The following CTNND2 variants were observed in gnomAD, a reference collection of about 807,000 sequenced individuals.
CTNND2 encodes catenin delta-2.
CTNND2 carries 22 observed loss-of-function variants against 144.4 expected under a neutral mutation model. That is an observed-to-expected ratio of 0.15 (90% confidence interval 0.11 to 0.22). The LOEUF is 0.22. Ranked by LOEUF, CTNND2 falls within the 10% of genes least tolerant of loss-of-function variation. The pLI is 1.00. For missense variants in CTNND2, 1,353 were observed against 1,618.8 expected (o/e 0.84, Z 2.82); for synonymous variants, 751 against 695.6 (o/e 1.08, Z -1.25).
chr5:11,559,222 C>T (rs113621719), intron 3 of CTNND2, among the ~76,000 whole-genome samples: 3 of 151,982 alleles, frequency 2.0e-5, no homozygotes, highest in Non-Finnish European at 4.4e-5. Flanking sequence ...CCCTCCTTTC[C>T]AGTTCTACAT....
chr5:11,398,584 TG>T (rs893212597), intron 5 of CTNND2, among the ~76,000 whole-genome samples: 1 of 151,354 alleles, frequency 6.6e-6, no homozygotes, highest in African/African-American at 2.4e-5. Flanking sequence ...ATGCGGTTTC[TG>T]GAAAAAAAAA....
At chr5:11,746,071 G>A (rs1261726733) in intron 1 of CTNND2, among the ~76,000 whole-genome samples, 2 of 152,140 alleles carry the variant, frequency 1.3e-5, no homozygotes, top group Non-Finnish European at 2.9e-5. Context: ...TTTGCATGAT[G>A]TATGAGGCTG....
At chr5:11,082,657 A>G in intron 16 of CTNND2, 39 bp downstream of exon 16, 1 of 1,603,500 alleles carries the variant, frequency 6.2e-7, no homozygotes, top group Non-Finnish European at 8.5e-7. Context: ...AAATATTTTC[A>G]CTTAACACTT....
chr5:11,023,716 C>T (rs1485612702), intron 16 of CTNND2, among the ~76,000 whole-genome samples: 1 of 152,182 alleles, frequency 6.6e-6, no homozygotes, highest in African/African-American at 2.4e-5. Flanking sequence ...AAATATAATA[C>T]AATCCAATTC....
chr5:11,266,671 C>A (rs1230548147), intron 9 of CTNND2, among the ~76,000 whole-genome samples: 1 of 152,136 alleles, frequency 6.6e-6, no homozygotes, highest in Non-Finnish European at 1.5e-5. Flanking sequence ...TAAGTTAATG[C>A]ACATTTATCT....
chr5:11,898,673 G>A (rs1737603743), intron 1 of CTNND2, among the ~76,000 whole-genome samples: 1 of 151,832 alleles, frequency 6.6e-6, no homozygotes, highest in Admixed American at 6.6e-5. Flanking sequence ...AAATATAATT[G>A]GCTCACCTGC....
intron 7 of CTNND2, among the ~76,000 whole-genome samples, chr5:11,383,493 G>A (rs776002712): frequency 9.9e-5 from 15 of 152,102 alleles, no homozygotes; most frequent in Non-Finnish European, 1.9e-4. Flanking sequence ...TGAGAGAGAG[G>A]CAGTGAGTGA....
At chr5:11,126,702 A>G (rs1754713563) in intron 12 of CTNND2, among the ~76,000 whole-genome samples, 1 of 152,234 alleles carries the variant, frequency 6.6e-6, no homozygotes, top group South Asian at 2.1e-4. Context: ...AGTGACATCT[A>G]GATATACAAC....
At chr5:11,844,033 T>C (rs761922741) in intron 1 of CTNND2, among the ~76,000 whole-genome samples, 1 of 152,188 alleles carries the variant, frequency 6.6e-6, no homozygotes, top group South Asian at 2.1e-4. Context: ...CCAGTTGTCA[T>C]CAAGCTCAAT....
At chr5:11,078,290 T>A (rs763839122) in intron 16 of CTNND2, among the ~76,000 whole-genome samples, 3 of 152,212 alleles carry the variant, frequency 2.0e-5, no homozygotes, top group Admixed American at 1.3e-4. Flanking sequence ...GTATTTAAAG[T>A]AAAATAGTTA....
chr5:11,092,427 T>G (rs997898699), intron 15 of CTNND2, among the ~76,000 whole-genome samples: 9 of 152,214 alleles, frequency 5.9e-5, no homozygotes, highest in African/African-American at 2.2e-4. Context: ...TTTATCGATT[T>G]GGATGCATGT....
intron 2 of CTNND2, among the ~76,000 whole-genome samples, chr5:11,690,323 G>A (rs1050966865): frequency 2.6e-5 from 4 of 152,222 alleles, no homozygotes; most frequent in South Asian, 2.1e-4. Flanking sequence ...ACTTTCAAAC[G>A]TTACAAACAA....
chr5:10,996,610 T>C (rs1739380108), intron 18 of CTNND2, among the ~76,000 whole-genome samples: 1 of 152,056 alleles, frequency 6.6e-6, no homozygotes, highest in Non-Finnish European at 1.5e-5. Flanking sequence ...TTTATTTATT[T>C]TTCTTTTGAG....
At chr5:11,703,976 A>G (rs1785577514) in intron 2 of CTNND2, among the ~76,000 whole-genome samples, 1 of 152,186 alleles carries the variant, frequency 6.6e-6, no homozygotes, top group African/African-American at 2.4e-5. Flanking sequence ...AAGCATATAG[A>G]GTGTCTTAAC....
At chr5:11,621,699 A>G (rs1780851398) in intron 2 of CTNND2, among the ~76,000 whole-genome samples, 1 of 152,206 alleles carries the variant, frequency 6.6e-6, no homozygotes, top group African/African-American at 2.4e-5. Flanking sequence ...AATGTTGTAA[A>G]AAGGTGACTC....
chr5:11,295,322 G>A (rs1303680941), intron 9 of CTNND2, among the ~76,000 whole-genome samples: 10 of 152,284 alleles, frequency 6.6e-5, no homozygotes, highest in Admixed American at 2.0e-4. Context: ...ACTGCTCGAT[G>A]AAATAAAAGA....
chr5:11,696,216 G>C (rs905468106), intron 2 of CTNND2, among the ~76,000 whole-genome samples: 2 of 152,226 alleles, frequency 1.3e-5, no homozygotes, highest in Non-Finnish European at 2.9e-5. Flanking sequence ...AGGCATGAGT[G>C]TGCTGTGTTC....
In CTNND2 at chr5:11,528,814, G is replaced by A. The variant is rs1292597482; in HGVS notation, c.287+36130C>T. On this transcript the variant is annotated intron_variant, in intron 3 of 21. Transcript: ENST00000304623. ...CAGAAGAAGGCCTTCCAGTGGGGCA[G>A]GCACCTGCCCTGACCTCAGCAGGCA... Among the ~76,000 whole-genome samples the A allele has an allele frequency of 3.9e-5, 6 of 152,360 alleles. No homozygotes were observed. The East Asian group carries it at 1.2e-3, about 29-fold the overall frequency.
At position 11,232,516 on chromosome 5, in the gene CTNND2, G is replaced by A. The variant is rs191282056; in HGVS notation, c.1761+4175C>T. On this transcript the variant is annotated intron_variant, in intron 10 of 21. Transcript: ENST00000304623. ...ATTAATGATTGCCCTATTGGATTTC[G>A]AGCTTGCATGGGGCCTGTAGCCCCC... Among the ~76,000 whole-genome samples, 42 of 152,344 alleles carry A rather than the reference G, an allele frequency of 2.8e-4. No homozygotes were observed. In the East Asian group the frequency reaches 7.3e-3, roughly 27 times the overall value.
Sources: allele counts gnomAD v4.1 joint callset (sites outside exome capture counted in the v4.1 genomes callset), GRCh38; gene constraint gnomAD v4.1.1; transcripts MANE v1.5; gene names NCBI Gene and HGNC (gene_info 2026-07-23, HGNC 2026-07-21).